The following TBC1D24 variants were observed in gnomAD, a reference collection of about 807,000 sequenced individuals.
The protein encoded by TBC1D24 is TBC1 domain family member 24, also known as Infantile myoclonic epilepsy.
In TBC1D24, 47 loss-of-function variants were observed where a neutral mutation model predicts 50.7. The ratio of observed to expected loss-of-function variants is 0.93; its 90% confidence interval spans 0.73 to 1.18. TBC1D24 has a LOEUF of 1.18. Ranked by LOEUF, TBC1D24 falls within the 50% of genes most tolerant of loss-of-function variation. TBC1D24 has a pLI of 0.00. For synonymous variants in TBC1D24, 324 were observed against 335.2 expected (o/e 0.97, Z 0.36); for missense variants, 688 against 766.5 (o/e 0.90, Z 1.21).
At position 2,485,348 on chromosome 16, in the gene TBC1D24, C is replaced by G. The variant is rs1157972782; in HGVS notation, c.-116+10178C>G. ...GGGGTAATCAGTTATGCCTACTTAA[C>G]AAGGGCTCCATGTCAACCCTAGAAG... On this transcript the variant is annotated intron_variant, in intron 1 of 7. Coordinates refer to ENST00000646147, the MANE Select transcript of TBC1D24 (RefSeq NM_001199107.2). The surrounding 1 kb of genome is among the most constrained non-coding windows in gnomAD (Gnocchi z 4.6). 2 of 152,168 alleles carry G rather than the reference C, an allele frequency of 1.3e-5. No homozygotes were observed. Among genetic ancestry groups the G allele is most frequent in the East Asian group, 3.8e-4 (2 of 5,198 alleles). The allele number at this position is 152,168 out of a possible 1,614,324, so 9.4% of individuals were successfully genotyped here.
At chr16:2,481,362 A>G (rs549977545) in intron 1 of TBC1D24, 3 of 152,358 alleles carry the variant, frequency 2.0e-5, no homozygotes, top group African/African-American at 7.2e-5. Context: ...TGGGCAGCAT[A>G]GTGAGACTTT....
intron 4 of TBC1D24, 70 bp downstream of exon 4, chr16:2,498,466 A>G: frequency 6.9e-7 from 1 of 1,453,280 alleles, no homozygotes. Flanking sequence ...AGAGGCTGGA[A>G]ATGGGCCTCA....
chr16:2,496,300 G>T lies in TBC1D24; in HGVS notation c.152G>T (p.Arg51Leu). The T allele has an allele frequency of 6.2e-7, 1 of 1,613,668 alleles. No individual in the cohort carries two copies. The highest frequency in any genetic ancestry group is 1.1e-5 in the South Asian group (1 of 91,082). The stretch of plus-strand genomic sequence containing the variant: ...TACTGGGCCCAAAGCCACGCCCTGC[G>T]GGGAAAGGTGTACCAGCGCCTGATC... The part of the protein sequence containing the change: ...QGYWAQSHAL[R>L]GKVYQRLIRD... The change falls in exon 2 of 8, where the codon CGG becomes CTG. Residue 51 changes from arginine (R) to leucine (L), a missense_variant. Transcript: ENST00000646147.
At chr16:2,494,549 G>A (rs2065722133) in intron 1 of TBC1D24, among the ~76,000 whole-genome samples, 1 of 152,106 alleles carries the variant, frequency 6.6e-6, no homozygotes, top group South Asian at 2.1e-4. Flanking sequence ...TGCTCGAGTG[G>A]AAAGGTGTTT....
intron 1 of TBC1D24, among the ~76,000 whole-genome samples, chr16:2,495,222 C>T (rs1799943515): frequency 6.6e-6 from 1 of 151,918 alleles, no homozygotes; most frequent in Non-Finnish European, 1.5e-5. Context: ...GGCGTGGTGG[C>T]GCCTAACTGT....
chr16:2,478,705 G>A (rs577888619), intron 1 of TBC1D24: 5 of 151,954 alleles, frequency 3.3e-5, no homozygotes, highest in African/African-American at 1.2e-4. Context: ...GTTGCCTTTT[G>A]GGGGAATGGG....
intron 1 of TBC1D24, chr16:2,480,614 C>T (rs954368959): frequency 1.3e-5 from 2 of 152,028 alleles, no homozygotes; most frequent in African/African-American, 2.4e-5. Context: ...AAAGCCCTTC[C>T]ACTCACTGTG....
At position 2,487,404 on chromosome 16, in the gene TBC1D24, C is replaced by T. The variant is rs569898836; in HGVS notation, c.-115-8630C>T. 6.6e-6 allele frequency among the ~76,000 whole-genome samples: 1 copy of T among 152,316 alleles called. No homozygotes were observed. Among genetic ancestry groups the T allele is most frequent in the Admixed American group, 6.5e-5 (1 of 15,298 alleles). ...TGCTGTGACCTGGGACAGGAGCGGT[C>T]CCCAGGAAGGGAGGCACGGTGTCGG... On this transcript the variant is annotated intron_variant, in intron 1 of 7. Coordinates refer to ENST00000646147, the MANE Select transcript of TBC1D24 (RefSeq NM_001199107.2). The surrounding 1 kb of genome is among the most constrained non-coding windows in gnomAD (Gnocchi z 4.1).
At chr16:2,494,231 G>A (rs1408566904) in intron 1 of TBC1D24, among the ~76,000 whole-genome samples, 4 of 152,088 alleles carry the variant, frequency 2.6e-5, no homozygotes, top group Non-Finnish European at 5.9e-5. Context: ...GGCCAACATG[G>A]TGAAACCCCA....
Position 2,502,135 on chromosome 16 carries a change from G to A in TBC1D24, c.*1177G>A, listed in dbSNP as rs1452516638. 6.6e-6 allele frequency: 1 copy of A among 152,604 alleles called. No individual in the cohort carries two copies. The highest frequency in any genetic ancestry group is 1.5e-5 in the Non-Finnish European group (1 of 68,322). 9.5% of individuals were successfully genotyped at this position (152,604 alleles called of 1,614,324 possible). A position where few individuals can be genotyped will look rare whatever the true frequency, so the allele number is the denominator to read the frequency against. On this transcript the variant is annotated 3_prime_UTR_variant, in exon 8 of 8. Coordinates refer to ENST00000646147, the MANE Select transcript of TBC1D24 (RefSeq NM_001199107.2). ...CTGGCCACGTGTCAGGGTTTTCTGT[G>A]AGCCTCTCACCTTACAGCCTTTGGG...
At chr16:2,495,663 C>G (rs1199279218) in intron 1 of TBC1D24, among the ~76,000 whole-genome samples, 1 of 152,144 alleles carries the variant, frequency 6.6e-6, no homozygotes, top group Non-Finnish European at 1.5e-5. Context: ...CCTTTAGTCC[C>G]AGCTACTCAG....
Position 2,487,315 on chromosome 16 carries a change from G to C in TBC1D24, c.-115-8719G>C, listed in dbSNP as rs2065658444. 1.3e-5 allele frequency among the ~76,000 whole-genome samples: 2 copies of C among 152,248 alleles called. No individual in the cohort carries two copies. Among genetic ancestry groups the C allele is most frequent in the African/African-American group, 2.4e-5 (1 of 41,462 alleles). On this transcript the variant is annotated intron_variant, in intron 1 of 7. Coordinates refer to ENST00000646147, the MANE Select transcript of TBC1D24 (RefSeq NM_001199107.2). This position sits in a 1 kb window ranked among gnomAD's most constrained non-coding sequence, Gnocchi z 4.1. ...CTGGCACAGAGGCGGCACCTCAGTG[G>C]AGGTCTGTCATGTGACTAACTGCAG...
chr16:2,488,904 C>CAAA (rs1272998413), intron 1 of TBC1D24, among the ~76,000 whole-genome samples: 12 of 97,678 alleles, frequency 1.2e-4, no homozygotes, highest in African/African-American at 4.3e-4. Flanking sequence ...ACTAAAAATA[C>CAAA]AAAAAAAAAA....
chr16:2,499,423 G>A lies in TBC1D24; in HGVS notation c.1206+3G>A, dbSNP rs1434633005. 2 of 1,613,246 alleles carry A rather than the reference G, an allele frequency of 1.2e-6. No homozygotes were observed. Among genetic ancestry groups the A allele is most frequent in the African/African-American group, 2.7e-5 (2 of 75,016 alleles). On this transcript the variant is annotated splice_donor_region_variant and intron_variant, in intron 5 of 7. Coordinates refer to ENST00000646147, the MANE Select transcript of TBC1D24 (RefSeq NM_001199107.2). The surrounding 1 kb of genome is among the most constrained non-coding windows in gnomAD (Gnocchi z 4.0). ...TCATCAAGACCACGCAGAAGGAGGT[G>A]AGCAGGGGCCCTGGAGCCAGGGCTG... is the stretch of plus-strand genomic sequence containing the variant.
intron 1 of TBC1D24, among the ~76,000 whole-genome samples, chr16:2,494,419 A>T (rs557181716): frequency 6.6e-4 from 100 of 152,124 alleles, no homozygotes; most frequent in Middle Eastern, 3.4e-3. Flanking sequence ...CTCAAAAAAA[A>T]AAAAAAAGGG....
At chr16:2,498,810 C>A (rs944298020) in intron 4 of TBC1D24, among the ~76,000 whole-genome samples, 1 of 152,236 alleles carries the variant, frequency 6.6e-6, no homozygotes. Context: ...CTCCCTCCAG[C>A]CTTGGACAGC....
rs1196037687 is a variant in TBC1D24, at chr16:2,503,382, A to G, written c.*2424A>G. The G allele has an allele frequency of 6.6e-6, 1 of 151,766 alleles. No homozygotes were observed. The highest frequency in any genetic ancestry group is 1.5e-5 in the Non-Finnish European group (1 of 67,970). The allele number at this position is 151,766 out of a possible 1,614,324, so 9.4% of individuals were successfully genotyped here. On this transcript the variant is annotated 3_prime_UTR_variant, in exon 8 of 8. Transcript: ENST00000646147. ...GGTATTCCCAAATAGAACATAATTT[A>G]TTTTGTTAATGTTCTCTATTTCTTC... is the stretch of plus-strand genomic sequence containing the variant.
Position 2,500,142 on chromosome 16 carries a change from C to A in TBC1D24, c.1303-126C>A. On this transcript the variant is annotated intron_variant, in intron 6 of 7. Coordinates refer to ENST00000646147, the MANE Select transcript of TBC1D24 (RefSeq NM_001199107.2). This position sits in a 1 kb window ranked among gnomAD's most constrained non-coding sequence, Gnocchi z 8.0. ...TGCTCGAGCCACCAGCTCCCCAGCC[C>A]CTGGCTCGGGCTGCACCCACCTTGG... The A allele has an allele frequency of 9.3e-7, 1 of 1,075,486 alleles. No homozygotes were observed. The highest frequency in any genetic ancestry group is 1.4e-6 in the Non-Finnish European group (1 of 718,330). 66.6% of individuals were successfully genotyped at this position (1,075,486 alleles called of 1,614,324 possible). A position where few individuals can be genotyped will look rare whatever the true frequency, so the allele number is the denominator to read the frequency against.
chr16:2,482,024 T>C lies in TBC1D24; in HGVS notation c.-116+6854T>C, dbSNP rs535838668. 2.0e-5 allele frequency: 3 copies of C among 152,290 alleles called. No homozygotes were observed. Among genetic ancestry groups the C allele is most frequent in the African/African-American group, 7.2e-5 (3 of 41,470 alleles). 9.4% of individuals were successfully genotyped at this position (152,290 alleles called of 1,614,324 possible). On this transcript the variant is annotated intron_variant, in intron 1 of 7. Transcript: ENST00000646147. This position sits in a 1 kb window ranked among gnomAD's most constrained non-coding sequence, Gnocchi z 5.2. ...TCGGTCACCATTAATATTTGAAAGA[T>C]GCCTGTGCTCTGCTTCAGGCTGAGG...
Sources: allele counts gnomAD v4.1 joint callset (sites outside exome capture counted in the v4.1 genomes callset), GRCh38; gene constraint gnomAD v4.1.1; non-coding constraint Gnocchi (gnomAD v3.1); transcripts MANE v1.5; gene names NCBI Gene and HGNC (gene_info 2026-07-23, HGNC 2026-07-21).